The following RND3 variants were observed in gnomAD, a reference collection of about 807,000 sequenced individuals.
RND3 encodes rho-related GTP-binding protein RhoE.
A neutral mutation model predicts 26.5 loss-of-function variants in RND3; 8 were observed. The observed-to-expected ratio is 0.30, with a 90% confidence interval of 0.18 to 0.54. The LOEUF (loss-of-function observed/expected upper bound fraction) is 0.54. RND3 is among the 20% of genes least tolerant of loss of function. The pLI, the probability that RND3 is intolerant of heterozygous loss-of-function variation, is 0.94. For missense variants in RND3, 207 were observed against 302.8 expected (o/e 0.68, Z 2.35); for synonymous variants, 113 against 113.0 (o/e 1.00, Z 0.00).
intron 2 of RND3, 92 bp downstream of exon 2, chr2:150,487,174 TTA>T: frequency 1.1e-6 from 1 of 922,874 alleles, no homozygotes. Context: ...TTTTTTTTTT[TTA>T]AGGGAAAACG....
In RND3 at chr2:150,471,636, G is replaced by A; in HGVS notation, c.474C>T (p.Ser158=). The A allele has an allele frequency of 1.2e-6, 2 of 1,610,996 alleles. No homozygotes were observed. Among genetic ancestry groups the A allele is most frequent in the South Asian group, 2.2e-5 (2 of 89,934 alleles). Residue 158 remains serine, a synonymous_variant, in exon 5 of 6, where the codon TCC becomes TCT. Transcript: ENST00000263895. Reference sequence around the variant, plus strand: ...TGGGCAACATACATACCTGGTCATAGGACACTGGCGTCTGCCTGTGATTGG... The same window carrying A: ...TGGGCAACATACATACCTGGTCATAAGACACTGGCGTCTGCCTGTGATTGG... ...ELSNHRQTPV[S]YDQGANMAKQ... is the part of the protein sequence containing the mutation.
At chr2:150,470,609 A>G (rs986081269) in intron 5 of RND3, among the ~76,000 whole-genome samples, 4 of 152,222 alleles carry the variant, frequency 2.6e-5, no homozygotes, top group African/African-American at 9.6e-5. Flanking sequence ...CATCTTCACT[A>G]TCAACTGCAA....
chr2:150,485,831 G>A (rs950550285), intron 3 of RND3, among the ~76,000 whole-genome samples: 26 of 152,268 alleles, frequency 1.7e-4, no homozygotes, highest in African/African-American at 5.3e-4. Flanking sequence ...AGGTAGGTGG[G>A]TGGGCGCATG....
rs1355119666 is a variant in RND3, at chr2:150,471,522, G to A, written c.483+105C>T. The A allele has an allele frequency of 5.5e-6, 5 of 914,070 alleles. No individual in the cohort carries two copies. The South Asian group carries it at 5.7e-5, about 11-fold the overall frequency. The allele number at this position is 914,070 out of a possible 1,614,324, so 56.6% of individuals were successfully genotyped here. ...TAAATTTCACAACTGACCACTGGGT[G>A]AGCCTTTAGAAAAGCAGCTACTTTT... is the stretch of plus-strand genomic sequence containing the variant. On this transcript the variant is annotated intron_variant, in intron 5 of 5. Coordinates refer to ENST00000263895, the MANE Select transcript of RND3 (RefSeq NM_005168.5).
Position 150,475,123 on chromosome 2 carries a change from A to G in RND3, c.239-139T>C, listed in dbSNP as rs1686144376. 9 of 590,450 alleles carry G rather than the reference A, an allele frequency of 1.5e-5. 1 individual carries two copies. The South Asian group carries it at 1.8e-4, about 12-fold the overall frequency. The allele number at this position is 590,450 out of a possible 1,614,324, so 36.6% of individuals were successfully genotyped here. ...CACTTCCCCTAATTCTTGGAAAAGAATTCAAACAGACACACAAAAGCCTGC... is the reference window on the plus strand; with the variant it reads ...CACTTCCCCTAATTCTTGGAAAAGAGTTCAAACAGACACACAAAAGCCTGC... On this transcript the variant is annotated intron_variant, in intron 3 of 5. Transcript: ENST00000263895.
rs776865060 is a variant in RND3, at chr2:150,487,438, T to C, written c.-21A>G. ...TTCATTGATGTTGCCTTATTTTCTC[T>C]TGGAACAGGAATTTTCTCTTAAGAA... is the stretch of plus-strand genomic sequence containing the variant. On this transcript the variant is annotated 5_prime_UTR_variant, in exon 2 of 6. Coordinates refer to ENST00000263895, the MANE Select transcript of RND3 (RefSeq NM_005168.5). 2 of 1,381,060 alleles carry C rather than the reference T, an allele frequency of 1.4e-6. No individual in the cohort carries two copies. The highest frequency in any genetic ancestry group is 4.9e-5 in the Admixed American group (2 of 40,412). The allele number at this position is 1,381,060 out of a possible 1,614,324, so 85.6% of individuals were successfully genotyped here.
intron 3 of RND3, among the ~76,000 whole-genome samples, chr2:150,478,034 T>C (rs1430682514): frequency 6.6e-6 from 1 of 152,148 alleles, no homozygotes; most frequent in African/African-American, 2.4e-5. Context: ...AACAAGACCA[T>C]TTATTCACTA....
At chr2:150,476,862 A>G (rs946205172) in intron 3 of RND3, among the ~76,000 whole-genome samples, 1 of 152,238 alleles carries the variant, frequency 6.6e-6, no homozygotes, top group African/African-American at 2.4e-5. Context: ...AACACTATTT[A>G]TGGCTACATT....
Position 150,469,855 on chromosome 2 carries a change from T to A in RND3, c.*132A>T. 1.0e-6 allele frequency: 1 copy of A among 964,858 alleles called. No homozygotes were observed. The highest frequency in any genetic ancestry group is 1.5e-6 in the Non-Finnish European group (1 of 659,694). 59.8% of individuals were successfully genotyped at this position (964,858 alleles called of 1,614,324 possible). A position where few individuals can be genotyped will look rare whatever the true frequency, so the allele number is the denominator to read the frequency against. Reference sequence around the variant, plus strand: ...AAGGTCAGGATTCCAAAAAGATGAGTATCCTCTCAAACGCCTCCTAAGCCT... The same window carrying A: ...AAGGTCAGGATTCCAAAAAGATGAGAATCCTCTCAAACGCCTCCTAAGCCT... On this transcript the variant is annotated 3_prime_UTR_variant, in exon 6 of 6. Coordinates refer to ENST00000263895, the MANE Select transcript of RND3 (RefSeq NM_005168.5).
intron 3 of RND3, among the ~76,000 whole-genome samples, chr2:150,478,992 A>G (rs1327226266): frequency 6.6e-6 from 1 of 151,968 alleles, no homozygotes. Flanking sequence ...GAAACTCTAT[A>G]TTGTAAAGAA....
At chr2:150,483,401 A>T (rs1001449439) in intron 3 of RND3, among the ~76,000 whole-genome samples, 2 of 152,188 alleles carry the variant, frequency 1.3e-5, no homozygotes, top group African/African-American at 4.8e-5. Flanking sequence ...AATTTTTCCT[A>T]TATAAGTCTC....
At chr2:150,476,433 C>CA (rs1187471516) in intron 3 of RND3, among the ~76,000 whole-genome samples, 1 of 152,230 alleles carries the variant, frequency 6.6e-6, no homozygotes, top group African/African-American at 2.4e-5. Context: ...GAACCCCAGG[C>CA]AACAGTGCAG....
At chr2:150,476,525 C>A (rs1043270033) in intron 3 of RND3, among the ~76,000 whole-genome samples, 2 of 152,144 alleles carry the variant, frequency 1.3e-5, no homozygotes, top group Non-Finnish European at 2.9e-5. Flanking sequence ...AAGAATGTTA[C>A]AAGAATCAGG....
chr2:150,476,700 A>G (rs1183956471), intron 3 of RND3, among the ~76,000 whole-genome samples: 2 of 152,190 alleles, frequency 1.3e-5, no homozygotes, highest in African/African-American at 4.8e-5. Context: ...AAGTCATTTT[A>G]AGTATGAAGG....
rs1686394760 is a variant in RND3 at position 150,487,293 on chromosome 2, A to T, written c.125T>A (p.Val42Asp). 9 of 1,600,096 alleles carry T rather than the reference A, an allele frequency of 5.6e-6. No homozygotes were observed. Among genetic ancestry groups the T allele is most frequent in the Non-Finnish European group, 7.7e-6 (9 of 1,172,864 alleles). Reference sequence around the variant, plus strand: ...CTCGGGGAAGCAGTCCTTGGCGAAGACATGGAGCAGCGCAGTTTTTCCACA... The same window carrying T: ...CTCGGGGAAGCAGTCCTTGGCGAAGTCATGGAGCAGCGCAGTTTTTCCACA... Reference protein sequence around the residue: ...SQCGKTALLHVFAKDCFPENY... With the variant: ...SQCGKTALLHDFAKDCFPENY... Residue 42 changes from valine to aspartate, a missense_variant, in exon 2 of 6, where the codon GTC becomes GAC. By Grantham distance (152) the Val-to-Asp change is radical (BLOSUM62 -3). Coordinates refer to ENST00000263895, the MANE Select transcript of RND3 (RefSeq NM_005168.5).
rs147439277 is a variant in RND3 at position 150,468,334 on chromosome 2, C to T, written c.*1653G>A. ...ATGCAACAAAAGTTCTGCTTTATAA[C>T]AGTTATAACTTATTTTCTTTTTACA... is the stretch of plus-strand genomic sequence containing the variant. On this transcript the variant is annotated 3_prime_UTR_variant, in exon 6 of 6. Coordinates refer to ENST00000263895, the MANE Select transcript of RND3 (RefSeq NM_005168.5). The T allele has an allele frequency of 6.5e-6, 1 of 152,716 alleles. No individual in the cohort carries two copies. The highest frequency in any genetic ancestry group is 2.4e-5 in the African/African-American group (1 of 41,568). The allele number at this position is 152,716 out of a possible 1,614,324, so 9.5% of individuals were successfully genotyped here.
intron 5 of RND3, 140 bp downstream of exon 5, chr2:150,471,487 G>A (rs971117386): frequency 6.2e-6 from 4 of 640,192 alleles, no homozygotes; most frequent in Non-Finnish European, 5.3e-6. Context: ...ACTAATAAAT[G>A]ACAGCATTTT....
Position 150,486,859 on chromosome 2 carries a change from A to G in RND3, c.151-78T>C. 1 of 969,840 alleles carries G rather than the reference A, an allele frequency of 1.0e-6. No individual in the cohort carries two copies. The highest frequency in any genetic ancestry group is 1.6e-5 in the African/African-American group (1 of 62,544). The allele number at this position is 969,840 out of a possible 1,614,324, so 60.1% of individuals were successfully genotyped here. On this transcript the variant is annotated intron_variant, in intron 2 of 5. Coordinates refer to ENST00000263895, the MANE Select transcript of RND3 (RefSeq NM_005168.5). The surrounding 1 kb of genome is among the most constrained non-coding windows in gnomAD (Gnocchi z 4.5). The stretch of plus-strand genomic sequence containing the variant: ...TTTAAACGCACGACACCCATTGAAC[A>G]CCCTTCCCCTCCCCGCTCCCCAGTT...
intron 3 of RND3, among the ~76,000 whole-genome samples, chr2:150,481,885 A>T (rs1469007543): frequency 6.6e-6 from 1 of 152,186 alleles, no homozygotes; most frequent in Non-Finnish European, 1.5e-5. Flanking sequence ...TTCATACTTG[A>T]TGTACAATAA....
Sources: gnomAD v4.1 joint callset for allele counts (sites outside exome capture counted in the v4.1 genomes callset) on GRCh38, gnomAD v4.1.1 for gene constraint, Gnocchi (gnomAD v3.1) non-coding constraint, MANE v1.5 for transcripts, NCBI Gene and HGNC (gene_info 2026-07-23, HGNC 2026-07-21) for gene names.